Variants in TDRKH observed in about 807,000 individuals in gnomAD.
The protein encoded by TDRKH is tudor and KH domain containing.
A neutral mutation model predicts 61.3 loss-of-function variants in TDRKH; 28 were observed. That is an observed-to-expected ratio of 0.46 (90% CI 0.34 to 0.63). TDRKH has a LOEUF of 0.63. Among genes scored for constraint, TDRKH ranks in the 20% least tolerant of loss-of-function variants. The probability of loss-of-function intolerance (pLI) is 0.01; values close to 1 mark genes in which losing one functional copy is unlikely to be tolerated. For missense variants in TDRKH, 540 were observed against 683.4 expected (o/e 0.79, Z 2.34); for synonymous variants, 219 against 244.4 (o/e 0.90, Z 0.97).
downstream of TDRKH, chr1:151,767,563 A>G: frequency 1.8e-6 from 1 of 552,908 alleles, no homozygotes; most frequent in Non-Finnish European, 2.8e-6. Context: ...CTTCTGGGAC[A>G]TAAAGCTGTT....
At chr1:151,774,636 C>T (rs976610377) in intron 12 of TDRKH, 74 bp downstream of exon 12, 1 of 1,591,798 alleles carries the variant, frequency 6.3e-7, no homozygotes, top group Non-Finnish European at 8.6e-7. Context: ...TTCAATTAAC[C>T]TCCCTACTCT....
chr1:151,789,887 G>A (rs988166923), intron 1 of TDRKH, among the ~76,000 whole-genome samples: 2 of 152,032 alleles, frequency 1.3e-5, no homozygotes, highest in African/African-American at 4.8e-5. Context: ...GGGTCTAAAA[G>A]TCAGTCTTTG....
downstream of TDRKH, chr1:151,770,277 C>T (rs1183696544): frequency 1.4e-5 from 22 of 1,608,868 alleles, no homozygotes; most frequent in Non-Finnish European, 1.9e-5. Flanking sequence ...TGCTGTTCTT[C>T]CTTGCTTTTC....
downstream of TDRKH, chr1:151,771,996 CAAAT>C: frequency 2.5e-6 from 1 of 398,590 alleles, no homozygotes; most frequent in Non-Finnish European, 4.4e-6. Flanking sequence ...TCTGAAACAT[CAAAT>C]AAATGGAAGC....
chr1:151,776,354 T>C, intron 7 of TDRKH, 85 bp downstream of exon 7: 2 of 1,594,594 alleles, frequency 1.3e-6, no homozygotes, highest in Non-Finnish European at 1.7e-6. Flanking sequence ...AGAAAAGTAG[T>C]TGCTCCACAG....
chr1:151,774,356 C>A lies in TDRKH; in HGVS notation c.*96G>T. 1 of 1,285,060 alleles carries A rather than the reference C, an allele frequency of 7.8e-7. No individual in the cohort carries two copies. The highest frequency in any genetic ancestry group is 1.1e-6 in the Non-Finnish European group (1 of 911,692). The allele number at this position is 1,285,060 out of a possible 1,614,324, so 79.6% of individuals were successfully genotyped here. ...GGAAAGAGGGAATCAAAGCAAGTGCCCCACTGTCGCCCTCATTACTTTCCT... is the reference window on the plus strand; with the variant it reads ...GGAAAGAGGGAATCAAAGCAAGTGCACCACTGTCGCCCTCATTACTTTCCT... On this transcript the variant is annotated 3_prime_UTR_variant, in exon 13 of 13. Coordinates refer to ENST00000368824, the MANE Select transcript of TDRKH (RefSeq NM_001083965.2).
At chr1:151,778,654 A>G (rs369021530) in intron 6 of TDRKH, 31 bp downstream of exon 6, 19 of 1,607,364 alleles carry the variant, frequency 1.2e-5, no homozygotes, top group South Asian at 2.2e-5. Context: ...TCTATCTTCA[A>G]TGATTAATGG....
chr1:151,782,792 CA>C, intron 2 of TDRKH, 106 bp downstream of exon 2: 2 of 1,414,864 alleles, frequency 1.4e-6, no homozygotes, highest in Non-Finnish European at 9.3e-7. Context: ...CAAAAAACCC[CA>C]AAACAAAACA....
chr1:151,775,712 T>C (rs1158175030), intron 9 of TDRKH, 108 bp downstream of exon 9: 1 of 1,500,836 alleles, frequency 6.7e-7, no homozygotes, highest in Non-Finnish European at 9.1e-7. Context: ...AAAAGGCACC[T>C]GAGTCCCCAG....
At chr1:151,776,796 G>A (rs1208091901) in intron 6 of TDRKH, among the ~76,000 whole-genome samples, 197 bp from the exon 7 acceptor site, 1 of 152,210 alleles carries the variant, frequency 6.6e-6, no homozygotes, top group South Asian at 2.1e-4. Context: ...CCATGTAACT[G>A]AGTAATAACA....
At chr1:151,771,808 A>C (rs1463376146), downstream of TDRKH, 2 of 396,996 alleles carry the variant, frequency 5.0e-6, no homozygotes, top group Non-Finnish European at 8.9e-6. Flanking sequence ...AAAGAAAAAG[A>C]CTTTTATACA....
At chr1:151,771,868 G>A (rs1648724056), downstream of TDRKH, 3 of 398,510 alleles carry the variant, frequency 7.5e-6, no homozygotes, top group Non-Finnish European at 8.8e-6. Flanking sequence ...TTCCAGGGTA[G>A]GAAGTCTTAT....
intron 2 of TDRKH, among the ~76,000 whole-genome samples, chr1:151,782,319 C>G (rs184462722): frequency 6.6e-6 from 1 of 151,874 alleles, no homozygotes; most frequent in Non-Finnish European, 1.5e-5. Flanking sequence ...TGGTGGCACA[C>G]GCCTGTAATC....
chr1:151,770,426 A>T, downstream of TDRKH: 1 of 974,080 alleles, frequency 1.0e-6, no homozygotes, highest in African/African-American at 1.7e-5. Flanking sequence ...TTGTTCCATC[A>T]AGTTACAACT....
At position 151,777,451 on chromosome 1, in the gene TDRKH, A is replaced by T. The variant is rs1353182762; in HGVS notation, c.884-852T>A. 3.6e-4 allele frequency among the ~76,000 whole-genome samples: 55 copies of T among 152,296 alleles called. 1 individual carries two copies. The highest frequency in any genetic ancestry group is 3.6e-3 in the Admixed American group (55 of 15,298). On this transcript the variant is annotated intron_variant, in intron 6 of 12. Coordinates refer to ENST00000368824, the MANE Select transcript of TDRKH (RefSeq NM_001083965.2). ...ACAGAGGAAGACTCTGTCTCAAAAA[A>T]AAAAGTATGTCTAGAGGAACAATAT...
At chr1:151,767,057 C>A, downstream of TDRKH, 1 of 1,495,168 alleles carries the variant, frequency 6.7e-7, no homozygotes, top group Admixed American at 1.9e-5. Context: ...AACATAGAAA[C>A]AGGCTGGACA....
At chr1:151,779,889 G>T in intron 4 of TDRKH, 62 bp downstream of exon 4, 1 of 1,508,260 alleles carries the variant, frequency 6.6e-7, no homozygotes, top group Non-Finnish European at 9.0e-7. Context: ...CCCTGGGAAG[G>T]TGTGAAAGAG....
At chr1:151,771,725 C>T (rs1362287629), downstream of TDRKH, 1 of 390,172 alleles carries the variant, frequency 2.6e-6, no homozygotes, top group African/African-American at 2.1e-5. Flanking sequence ...AGGAAAAGTA[C>T]TGGGTTATAC....
At chr1:151,769,283 G>GCGGCTGCCCCCCACCTCCCTCCC (rs1441715811), downstream of TDRKH, 1 of 151,510 alleles carries the variant, frequency 6.6e-6, no homozygotes, top group Non-Finnish European at 1.5e-5. Flanking sequence ...TGGCCGGGTG[G>GCGGCTGCCCCCCACCTCCCTCCC]GGACTGCCCC....
Sources: allele counts gnomAD v4.1 joint callset (sites outside exome capture counted in the v4.1 genomes callset), GRCh38; gene constraint gnomAD v4.1.1; transcripts MANE v1.5; gene names NCBI Gene and HGNC (gene_info 2026-07-23, HGNC 2026-07-21).